Variants in GRXCR1 observed in about 807,000 individuals in gnomAD.
GRXCR1 encodes glutaredoxin and cysteine rich domain containing 1.
In GRXCR1, 27 loss-of-function variants were observed where a neutral mutation model predicts 27.3. The ratio of observed to expected loss-of-function variants is 0.99; its 90% CI spans 0.73 to 1.37. The LOEUF (loss-of-function observed/expected upper bound fraction) is 1.37, where lower values mean the gene tolerates loss of function less well. Ranked by LOEUF, GRXCR1 falls within the 40% of genes most tolerant of loss-of-function variation. The pLI is 0.00. For synonymous variants in GRXCR1, 122 were observed against 131.1 expected (o/e 0.93, Z 0.47); for missense variants, 379 against 354.4 (o/e 1.07, Z -0.56).
intron 1 of GRXCR1, among the ~76,000 whole-genome samples, chr4:42,960,132 T>TA (rs1241341928): frequency 6.6e-5 from 10 of 151,982 alleles, no homozygotes; most frequent in African/African-American, 2.4e-4. Context: ...GAGAGAATCT[T>TA]ACATGAGTTG....
intron 2 of GRXCR1, 116 bp downstream of exon 2, chr4:42,963,250 AG>A: frequency 8.3e-7 from 1 of 1,205,138 alleles, no homozygotes; most frequent in South Asian, 1.2e-5. Flanking sequence ...GTTTTTTTGG[AG>A]CTCAAACCAA....
At chr4:43,028,006 G>T (rs970631407) in intron 3 of GRXCR1, among the ~76,000 whole-genome samples, 1 of 152,068 alleles carries the variant, frequency 6.6e-6, no homozygotes, top group African/African-American at 2.4e-5. Flanking sequence ...CTTCTTGGGA[G>T]GCTGAGGCAG....
At chr4:42,967,791 G>C (rs1226404737) in intron 2 of GRXCR1, among the ~76,000 whole-genome samples, 1 of 151,922 alleles carries the variant, frequency 6.6e-6, no homozygotes, top group African/African-American at 2.4e-5. Context: ...TGAGCCTTTG[G>C]GTTTTGTTTC....
At chr4:42,985,822 A>C (rs1479737719) in intron 2 of GRXCR1, among the ~76,000 whole-genome samples, 1 of 152,118 alleles carries the variant, frequency 6.6e-6, no homozygotes, top group Non-Finnish European at 1.5e-5. Flanking sequence ...AAATACAATA[A>C]CTATTTTGCT....
chr4:42,985,279 C>A (rs1711679383), intron 2 of GRXCR1, among the ~76,000 whole-genome samples: 1 of 152,076 alleles, frequency 6.6e-6, no homozygotes, highest in Non-Finnish European at 1.5e-5. Context: ...ACTAACCATT[C>A]TTAATTTGAT....
chr4:42,929,056 T>C (rs945101047), intron 1 of GRXCR1, among the ~76,000 whole-genome samples: 1 of 152,040 alleles, frequency 6.6e-6, no homozygotes, highest in Non-Finnish European at 1.5e-5. Context: ...ACTCCAGATA[T>C]TACCTTATTT....
intron 1 of GRXCR1, among the ~76,000 whole-genome samples, chr4:42,905,058 G>A (rs1446659998): frequency 6.6e-6 from 1 of 152,190 alleles, no homozygotes; most frequent in African/African-American, 2.4e-5. Context: ...AAAAATCTTA[G>A]CTGCTGCCTC....
At chr4:42,938,253 C>T (rs1040241276) in intron 1 of GRXCR1, among the ~76,000 whole-genome samples, 2 of 151,966 alleles carry the variant, frequency 1.3e-5, no homozygotes, top group Admixed American at 1.3e-4. Context: ...GTGACAGGAT[C>T]TCATTCTTTT....
intron 1 of GRXCR1, among the ~76,000 whole-genome samples, chr4:42,898,045 C>A (rs1455935519): frequency 6.6e-6 from 1 of 151,578 alleles, no homozygotes; most frequent in Non-Finnish European, 1.5e-5. Flanking sequence ...CTGCCCTTTG[C>A]TGTTTTGGCT....
chr4:42,893,316 G>A lies in GRXCR1; in HGVS notation c.50G>A (p.Arg17Gln), dbSNP rs766194495. Residue 17 changes from arginine (R) to glutamine (Q), a missense_variant, in exon 1 of 4, where the codon CGG (arginine) becomes CAG (glutamine). Coordinates refer to ENST00000399770, the MANE Select transcript of GRXCR1 (RefSeq NM_001080476.3). ...KPESDRPRKV[R>Q]FRIASSHSGR... ...GAAAGTGACAGGCCACGGAAAGTCC[G>A]GTTTCGGATCGCGTCCTCTCACAGT... 3 of 1,613,722 alleles carry A rather than the reference G, an allele frequency of 1.9e-6. No individual in the cohort carries two copies. Among genetic ancestry groups the A allele is most frequent in the South Asian group, 1.1e-5 (1 of 91,074 alleles).
intron 1 of GRXCR1, among the ~76,000 whole-genome samples, chr4:42,927,861 A>G (rs563000374): frequency 6.6e-6 from 1 of 152,076 alleles, no homozygotes; most frequent in African/African-American, 2.4e-5. Context: ...GTGTGCAGGT[A>G]ATTTATTTGG....
chr4:42,994,183 A>G (rs1712072392), intron 2 of GRXCR1, among the ~76,000 whole-genome samples: 1 of 152,116 alleles, frequency 6.6e-6, no homozygotes, highest in Non-Finnish European at 1.5e-5. Flanking sequence ...AGAAAGGTGG[A>G]GAGGACTATA....
intron 1 of GRXCR1, among the ~76,000 whole-genome samples, chr4:42,955,321 T>C (rs1273258564): frequency 1.3e-5 from 2 of 152,148 alleles, no homozygotes; most frequent in Non-Finnish European, 2.9e-5. Context: ...GACCGATACA[T>C]GTGGGACCAT....
intron 1 of GRXCR1, among the ~76,000 whole-genome samples, chr4:42,910,953 T>A (rs1392661525): frequency 6.6e-6 from 1 of 152,190 alleles, no homozygotes; most frequent in Non-Finnish European, 1.5e-5. Flanking sequence ...GGTTCTCCTC[T>A]TAGTGTTAAG....
chr4:42,964,422 C>T (rs1748193908), intron 2 of GRXCR1, among the ~76,000 whole-genome samples: 1 of 151,932 alleles, frequency 6.6e-6, no homozygotes, highest in Non-Finnish European at 1.5e-5. Context: ...TGACTCTGTG[C>T]TTTGGTTTTC....
chr4:42,966,572 A>T (rs1748242221), intron 2 of GRXCR1, among the ~76,000 whole-genome samples: 1 of 152,106 alleles, frequency 6.6e-6, no homozygotes, highest in African/African-American at 2.4e-5. Context: ...ATTTCTAAGG[A>T]ACACTCACAA....
In GRXCR1 at chr4:42,976,830, T is replaced by C. The variant is rs185256681; in HGVS notation, c.627+13696T>C. The stretch of plus-strand genomic sequence containing the variant: ...TCATTTTTGTGGGGAGACTATTTAA[T>C]ATTCACTCAGCATTTTTCGAGAATG... On this transcript the variant is annotated intron_variant, in intron 2 of 3. Transcript: ENST00000399770. Among the ~76,000 whole-genome samples the C allele has an allele frequency of 2.2e-4, 33 of 152,128 alleles. No homozygotes were observed. In the East Asian group the frequency reaches 6.0e-3, roughly 28 times the overall value.
At chr4:42,896,437 G>A (rs200924567) in intron 1 of GRXCR1, among the ~76,000 whole-genome samples, 1 of 83,208 alleles carries the variant, frequency 1.2e-5, no homozygotes, top group African/African-American at 3.0e-5. Flanking sequence ...GAGGCAAAAA[G>A]CAGAAGGCCA....
At chr4:42,912,623 T>C (rs4861237) in intron 1 of GRXCR1, among the ~76,000 whole-genome samples, 29,974 of 152,120 alleles carry the variant, frequency 0.2, 3,668 homozygotes, top group Admixed American at 0.29. Context: ...GACAAGACCA[T>C]TATATATTCA....
Sources: allele counts gnomAD v4.1 joint callset (sites outside exome capture counted in the v4.1 genomes callset), GRCh38; gene constraint gnomAD v4.1.1; transcripts MANE v1.5; gene names NCBI Gene and HGNC (gene_info 2026-07-23, HGNC 2026-07-21).